CACNA1E: variants seen among roughly 807,000 people sequenced by gnomAD.
The protein encoded by CACNA1E is voltage-dependent R-type calcium channel subunit alpha-1E.
A neutral mutation model predicts 259.2 loss-of-function variants in CACNA1E; 40 were observed. The ratio of observed to expected loss-of-function variants is 0.15; its 90% confidence interval spans 0.12 to 0.20. CACNA1E has a LOEUF of 0.20. CACNA1E is among the 10% of genes least tolerant of loss of function. CACNA1E has a pLI of 1.00. For missense variants in CACNA1E, 1,874 were observed against 3,040.1 expected (o/e 0.62, Z 9.02); for synonymous variants, 1,104 against 1,138.5 (o/e 0.97, Z 0.61).
At chr1:181,319,825 C>T (rs1191467477) in intron 1 of CACNA1E, among the ~76,000 whole-genome samples, 1 of 152,200 alleles carries the variant, frequency 6.6e-6, no homozygotes, top group African/African-American at 2.4e-5. Context: ...TTGGATCTTG[C>T]ATCGTTTTTC....
chr1:181,428,167 C>G (rs1372227502), intron 2 of CACNA1E, among the ~76,000 whole-genome samples: 2 of 152,296 alleles, frequency 1.3e-5, no homozygotes, highest in East Asian at 3.9e-4. Flanking sequence ...GGAGGACTGG[C>G]ACTTCTCTCA....
chr1:181,501,063 A>C (rs1037546444), intron 1 of CACNA1E, among the ~76,000 whole-genome samples: 1 of 152,036 alleles, frequency 6.6e-6, no homozygotes, highest in African/African-American at 2.4e-5. Context: ...GAAACAGGTA[A>C]TTTTCCCACT....
chr1:181,425,581 C>T (rs375049464), intron 2 of CACNA1E, among the ~76,000 whole-genome samples: 1 of 143,274 alleles, frequency 7.0e-6, no homozygotes, highest in Admixed American at 7.3e-5. Flanking sequence ...TTCCAGGCAC[C>T]GATGAAAAGA....
rs143985691 is a variant in CACNA1E at position 181,516,880 on chromosome 1, T to C, written c.512+5370T>C. On this transcript the variant is annotated intron_variant, in intron 3 of 47. Coordinates refer to ENST00000367573, the MANE Select transcript of CACNA1E (RefSeq NM_001205293.3). ...AGCCTTGCGTGGGAGGTGACCTGCG[T>C]TGGCTCTTCCCTTTACTGCGGAGCA... 2.4e-4 allele frequency among the ~76,000 whole-genome samples: 36 copies of C among 152,366 alleles called. 1 individual carries two copies. The East Asian group carries it at 6.0e-3, about 25-fold the overall frequency.
chr1:181,482,612 C>T (rs1663367710), upstream of CACNA1E, among the ~76,000 whole-genome samples: 1 of 151,830 alleles, frequency 6.6e-6, no homozygotes, highest in Non-Finnish European at 1.5e-5. Flanking sequence ...TTGCGCGCCT[C>T]GCTGCGCCTC....
At chr1:181,339,318 T>A (rs764853842) in intron 1 of CACNA1E, among the ~76,000 whole-genome samples, 5 of 152,168 alleles carry the variant, frequency 3.3e-5, no homozygotes, top group Non-Finnish European at 7.4e-5. Flanking sequence ...CATTTATTTA[T>A]GCCTTTTTTT....
Position 181,425,565 on chromosome 1 carries a change from A to G in CACNA1E, c.434+11985A>G, listed in dbSNP as rs542790355. On this transcript the variant is annotated intron_variant, in intron 2 of 11. Transcript: ENST00000524607. ...CGACCCCAAGCAGAGTTAGACACCT[A>G]TAGAATTCCAGGCACCGATGAAAAG... Among the ~76,000 whole-genome samples, 3 of 116,926 alleles carry G rather than the reference A, an allele frequency of 2.6e-5. No individual in the cohort carries two copies. In the East Asian group the frequency reaches 8.8e-4, roughly 34 times the overall value. 76.7% of individuals were successfully genotyped at this position (116,926 alleles called of 152,430 possible).
At chr1:181,671,127 A>G (rs1278406582) in intron 7 of CACNA1E, among the ~76,000 whole-genome samples, 1 of 152,138 alleles carries the variant, frequency 6.6e-6, no homozygotes, top group Admixed American at 6.5e-5. Flanking sequence ...TCGACCTCCC[A>G]GGTTTAAGGG....
At chr1:181,427,219 A>T (rs1266487991) in intron 2 of CACNA1E, among the ~76,000 whole-genome samples, 1 of 143,460 alleles carries the variant, frequency 7.0e-6, no homozygotes, top group African/African-American at 2.6e-5. Context: ...CCTCATCTGA[A>T]CTCTACCCAT....
At chr1:181,796,190 C>T (rs1300021023) in intron 46 of CACNA1E, among the ~76,000 whole-genome samples, 1 of 152,144 alleles carries the variant, frequency 6.6e-6, no homozygotes, top group Non-Finnish European at 1.5e-5. Context: ...TGCCTTTCTC[C>T]CCTGCTTCCC....
At chr1:181,731,355 T>C in intron 19 of CACNA1E, 124 bp downstream of exon 19, 1 of 742,604 alleles carries the variant, frequency 1.3e-6, no homozygotes, top group East Asian at 2.7e-5. Context: ...TTGGTGTGTG[T>C]GTGTGTGTTC....
At chr1:181,369,997 C>T (rs1483278140) in intron 1 of CACNA1E, among the ~76,000 whole-genome samples, 5 of 152,092 alleles carry the variant, frequency 3.3e-5, no homozygotes, top group Non-Finnish European at 7.4e-5. Flanking sequence ...CTCTTCCCTT[C>T]TTTGTGTCCA....
intron 3 of CACNA1E, among the ~76,000 whole-genome samples, chr1:181,568,205 A>G: frequency 6.6e-6 from 1 of 152,114 alleles, no homozygotes; most frequent in East Asian, 1.9e-4. Context: ...ACGAATCTAC[A>G]TTCACCCACA....
At chr1:181,631,994 GC>G (rs1043786902) in intron 6 of CACNA1E, among the ~76,000 whole-genome samples, 1 of 152,200 alleles carries the variant, frequency 6.6e-6, no homozygotes, top group African/African-American at 2.4e-5. Context: ...GGCACGAAGT[GC>G]AGGAGATGGT....
At chr1:181,386,103 A>G (rs1655827436) in intron 1 of CACNA1E, among the ~76,000 whole-genome samples, 1 of 152,152 alleles carries the variant, frequency 6.6e-6, no homozygotes, top group Non-Finnish European at 1.5e-5. Flanking sequence ...CAATAAGGAG[A>G]GCTTACTATG....
chr1:181,325,492 C>T (rs1347099162), intron 1 of CACNA1E, among the ~76,000 whole-genome samples: 1 of 152,200 alleles, frequency 6.6e-6, no homozygotes, highest in African/African-American at 2.4e-5. Context: ...TTCAAATTCT[C>T]ATGCCCAGTC....
At chr1:181,373,537 C>CTTTTTTT (rs5779097) in intron 1 of CACNA1E, among the ~76,000 whole-genome samples, 3 of 120,928 alleles carry the variant, frequency 2.5e-5, no homozygotes, top group African/African-American at 6.3e-5. Flanking sequence ...TCTTTTCTTT[C>CTTTTTTT]TTTTTTTTTT....
In CACNA1E at chr1:181,731,222, G is replaced by C; in HGVS notation, c.2288G>C (p.Ser763Thr). The change falls in exon 19 of 48, where the codon AGC becomes ACC. Residue 763 changes from serine (S) to threonine (T), a missense_variant. Around this residue, in one of 14 missense-constraint regions of CACNA1E, gnomAD observed 476 missense variants for 514.0 expected, o/e 0.93. Coordinates refer to ENST00000367573, the MANE Select transcript of CACNA1E (RefSeq NM_001205293.3). ...CACATGTCGATGTGGGAGCCACGCAGCAGCCACCTGTATGTGTGTACCAGT... is the reference window on the plus strand; with the variant it reads ...CACATGTCGATGTGGGAGCCACGCACCAGCCACCTGTATGTGTGTACCAGT... ...RHHMSMWEPR[S>T]SHLRERRRRH... The C allele has an allele frequency of 6.2e-7, 1 of 1,613,358 alleles. No homozygotes were observed. The highest frequency in any genetic ancestry group is 8.5e-7 in the Non-Finnish European group (1 of 1,179,318).
intron 1 of CACNA1E, among the ~76,000 whole-genome samples, chr1:181,334,389 A>G (rs552042774): frequency 6.6e-6 from 1 of 152,334 alleles, no homozygotes; most frequent in African/African-American, 2.4e-5. Flanking sequence ...ACTTCTAAAC[A>G]TATAGCTGGC....
Sources: allele counts gnomAD v4.1 joint callset (sites outside exome capture counted in the v4.1 genomes callset), GRCh38; gene constraint gnomAD v4.1.1; regional missense constraint gnomAD v4.1.1; transcripts MANE v1.5; gene names NCBI Gene and HGNC (gene_info 2026-07-23, HGNC 2026-07-21).